Variants in KAZN observed in about 807,000 individuals in gnomAD.
KAZN encodes the protein kazrin, periplakin interacting protein.
In KAZN, 40 loss-of-function variants were observed where a neutral mutation model predicts 87.4. The observed-to-expected ratio is 0.46, with a 90% CI of 0.36 to 0.60. KAZN has a LOEUF of 0.60. KAZN is among the 20% of genes least tolerant of loss of function. The pLI is 0.00. For missense variants in KAZN, 898 were observed against 1,073.9 expected (o/e 0.84, Z 2.29); for synonymous variants, 466 against 458.3 (o/e 1.02, Z -0.22).
intron 2 of KAZN, among the ~76,000 whole-genome samples, chr1:14,222,628 G>T (rs552055485): frequency 1.3e-5 from 2 of 152,320 alleles, no homozygotes; most frequent in African/African-American, 4.8e-5. Context: ...TTATCAGTGG[G>T]CTGTTATAGT....
At chr1:14,704,830 G>A (rs1572268291) in intron 1 of KAZN, among the ~76,000 whole-genome samples, 1 of 152,180 alleles carries the variant, frequency 6.6e-6, no homozygotes, top group African/African-American at 2.4e-5. Context: ...CCATTGCCCT[G>A]GCTCCTTCCC....
At chr1:13,948,366 T>G (rs911389528) in intron 1 of KAZN, among the ~76,000 whole-genome samples, 6 of 152,170 alleles carry the variant, frequency 3.9e-5, no homozygotes, top group East Asian at 3.9e-4. Flanking sequence ...TCTCACAAGA[T>G]CTGATGGTTT....
At chr1:14,555,309 C>T (rs75518360) in intron 2 of KAZN, among the ~76,000 whole-genome samples, 2,463 of 152,296 alleles carry the variant, frequency 0.016, 26 homozygotes, top group Middle Eastern at 0.048. Flanking sequence ...TTCAGCAACA[C>T]CAGTGTAGAA....
intron 1 of KAZN, among the ~76,000 whole-genome samples, chr1:14,096,539 A>T (rs955889309): frequency 8.5e-5 from 13 of 152,234 alleles, no homozygotes; most frequent in African/African-American, 2.9e-4. Context: ...CTGTAGTCAG[A>T]GCATGAAGGA....
intron 2 of KAZN, among the ~76,000 whole-genome samples, chr1:14,318,904 C>T (rs1451788684): frequency 1.3e-5 from 2 of 151,754 alleles, no homozygotes; most frequent in Admixed American, 6.6e-5. Context: ...TCATTATGTT[C>T]AGATTTTTCC....
At chr1:14,523,394 C>T (rs1571858525) in intron 2 of KAZN, among the ~76,000 whole-genome samples, 1 of 152,222 alleles carries the variant, frequency 6.6e-6, no homozygotes, top group Non-Finnish European at 1.5e-5. Context: ...GTGGGCAGCT[C>T]CAACTCTCCA....
chr1:14,414,302 G>A (rs893903303), intron 2 of KAZN, among the ~76,000 whole-genome samples: 3 of 149,370 alleles, frequency 2.0e-5, no homozygotes, highest in African/African-American at 7.4e-5. Context: ...CAAAGTAACT[G>A]GTAAAGCCAA....
chr1:14,963,830 G>A (rs906166646), intron 2 of KAZN, among the ~76,000 whole-genome samples: 15 of 151,984 alleles, frequency 9.9e-5, no homozygotes, highest in African/African-American at 2.2e-4. Flanking sequence ...CCCTCCCTGC[G>A]TCTACATGTT....
In KAZN at chr1:14,180,582, T is replaced by A. The variant is rs1239410975; in HGVS notation, c.239T>A (p.Met80Lys). ...ATGATATTGATGAGGCACCTCTTAA[T>A]GGATGCTCAGGTACAAAGATCAATA... The change falls in exon 2 of 17, where the codon ATG (methionine) becomes AAG (lysine). Residue 80 changes from methionine to lysine, a missense_variant. Physicochemically the swap from Met to Lys is moderately conservative, Grantham distance 95. Transcript: ENST00000636203. 2.6e-6 allele frequency: 4 copies of A among 1,549,124 alleles called. No homozygotes were observed. The African/African-American group carries it at 5.5e-5, about 21-fold the overall frequency.
chr1:14,782,089 A>G lies in KAZN; in HGVS notation c.227-178595A>G, dbSNP rs75911569. ...GTTTACAATAGTGTCTGGCACATAT[A>G]AAGAATGCCATATATGTGTTTGCTA... On this transcript the variant is annotated intron_variant, in intron 1 of 14. Coordinates refer to ENST00000376030, the MANE Select transcript of KAZN (RefSeq NM_201628.3). 9.5e-3 allele frequency among the ~76,000 whole-genome samples: 1,440 copies of G among 152,278 alleles called. 26 individuals carry two copies. Among genetic ancestry groups the G allele is most frequent in the African/African-American group, 0.033 (1,355 of 41,560 alleles).
intron 1 of KAZN, among the ~76,000 whole-genome samples, chr1:14,613,156 T>A (rs1677952948): frequency 6.6e-6 from 1 of 152,152 alleles, no homozygotes; most frequent in Non-Finnish European, 1.5e-5. Context: ...AGACTTGCAT[T>A]CGAGGTTATG....
In KAZN at chr1:14,040,392, G is replaced by A. The variant is rs141312022; in HGVS notation, c.92-140043G>A. Among the ~76,000 whole-genome samples the A allele has an allele frequency of 2.4e-3, 369 of 152,244 alleles. 3 individuals carry two copies. Among genetic ancestry groups the A allele is most frequent in the South Asian group, 0.015 (73 of 4,828 alleles). ...GCCAGGAGTGCTGTGGGAGGTCAGC[G>A]GGGGATGGAGGGGATTCCTTCCATT... On this transcript the variant is annotated intron_variant, in intron 1 of 16. Coordinates refer to the KAZN transcript ENST00000636203.
chr1:14,664,289 TG>T (rs1438114743), intron 1 of KAZN, among the ~76,000 whole-genome samples: 4 of 152,092 alleles, frequency 2.6e-5, no homozygotes, highest in Non-Finnish European at 5.9e-5. Context: ...AAAAATTAGC[TG>T]GGCATGGTGG....
upstream of KAZN, among the ~76,000 whole-genome samples, chr1:14,598,449 C>A (rs994999359): frequency 6.6e-6 from 1 of 152,152 alleles, no homozygotes; most frequent in Non-Finnish European, 1.5e-5. This position sits in a 1 kb window ranked among gnomAD's most constrained non-coding sequence, Gnocchi z 4.2. Flanking sequence ...CCCCACCGCT[C>A]AAGGGAGGGG....
intron 2 of KAZN, among the ~76,000 whole-genome samples, chr1:14,210,642 A>G (rs1646835134): frequency 6.6e-6 from 1 of 152,214 alleles, no homozygotes; most frequent in South Asian, 2.1e-4. Context: ...CTTGATCTAT[A>G]TGGGTTAAAT....
At chr1:14,142,856 A>G (rs1645270299) in intron 1 of KAZN, among the ~76,000 whole-genome samples, 1 of 152,186 alleles carries the variant, frequency 6.6e-6, no homozygotes, top group Admixed American at 6.5e-5. Context: ...TTAAGATTTG[A>G]AAAGAAGCCG....
At chr1:14,883,530 A>G (rs1187887939) in intron 1 of KAZN, among the ~76,000 whole-genome samples, 1 of 147,306 alleles carries the variant, frequency 6.8e-6, no homozygotes, top group East Asian at 1.9e-4. Flanking sequence ...CCTGGGTCAC[A>G]GCCAAAGGGA....
intron 1 of KAZN, among the ~76,000 whole-genome samples, chr1:14,864,541 G>A (rs1217991757): frequency 2.0e-5 from 3 of 152,162 alleles, no homozygotes; most frequent in African/African-American, 4.8e-5. Flanking sequence ...CAGTGGGGGC[G>A]ATAGATGGAG....
intron 2 of KAZN, among the ~76,000 whole-genome samples, chr1:14,311,422 A>T (rs1655288401): frequency 6.6e-6 from 1 of 152,178 alleles, no homozygotes; most frequent in African/African-American, 2.4e-5. Context: ...AAATCCCCTT[A>T]TATTATAACC....
Sources: gnomAD v4.1 joint callset for allele counts (sites outside exome capture counted in the v4.1 genomes callset) on GRCh38, gnomAD v4.1.1 for gene constraint, Gnocchi (gnomAD v3.1) non-coding constraint, MANE v1.5 for transcripts, NCBI Gene and HGNC (gene_info 2026-07-23, HGNC 2026-07-21) for gene names.